Variants in UNC13B observed in about 807,000 individuals in gnomAD.
UNC13B encodes the protein protein unc-13 homolog B.
UNC13B carries 144 observed loss-of-function variants against 211.0 expected under a neutral mutation model. The observed-to-expected ratio is 0.68, with a 90% CI of 0.60 to 0.78. The LOEUF is 0.78. Among genes scored for constraint, UNC13B ranks in the 30% least tolerant of loss-of-function variants. The pLI is 0.00. For missense variants in UNC13B, 1,777 were observed against 2,002.0 expected (o/e 0.89, Z 2.14); for synonymous variants, 709 against 725.8 (o/e 0.98, Z 0.37).
chr9:35,396,735 T>A, intron 27 of UNC13B, 106 bp from the exon 28 acceptor site: 1 of 1,598,364 alleles, frequency 6.3e-7, no homozygotes, highest in Non-Finnish European at 8.6e-7. Flanking sequence ...AGAAAAGTGT[T>A]AAACTGTGCC....
At chr9:35,400,155 C>G in intron 36 of UNC13B, 141 bp from the exon 37 acceptor site, 1 of 1,216,708 alleles carries the variant, frequency 8.2e-7, no homozygotes, top group Non-Finnish European at 1.1e-6. Flanking sequence ...TAATACTCAT[C>G]CAAGAGCCTA....
At chr9:35,211,478 G>A (rs1262972282) in intron 1 of UNC13B, among the ~76,000 whole-genome samples, 1 of 152,122 alleles carries the variant, frequency 6.6e-6, no homozygotes, top group Non-Finnish European at 1.5e-5. Context: ...TTATATAGGT[G>A]TATTTTAACT....
intron 24 of UNC13B, among the ~76,000 whole-genome samples, chr9:35,388,333 A>G (rs1835313899): frequency 6.6e-6 from 1 of 152,120 alleles, no homozygotes; most frequent in Admixed American, 6.6e-5. Context: ...GCTTGAACCC[A>G]GGAGGCAGAG....
chr9:35,279,946 T>C (rs1828392019), intron 7 of UNC13B, among the ~76,000 whole-genome samples: 1 of 152,136 alleles, frequency 6.6e-6, no homozygotes, highest in African/African-American at 2.4e-5. Context: ...CTGCTTATCC[T>C]GTCTTTTTCT....
intron 1 of UNC13B, among the ~76,000 whole-genome samples, chr9:35,208,661 C>G (rs938760872): frequency 6.6e-6 from 1 of 152,124 alleles, no homozygotes; most frequent in African/African-American, 2.4e-5. Context: ...GATTTCATAA[C>G]TCCTCATTCA....
chr9:35,295,652 T>C, intron 7 of UNC13B, 44 bp from the exon 8 acceptor site: 1 of 1,574,256 alleles, frequency 6.4e-7, no homozygotes, highest in Non-Finnish European at 8.7e-7. Context: ...TCTGAAGAAC[T>C]AAATAAAGCT....
chr9:35,379,859 G>GGT (rs1481993208), intron 17 of UNC13B, among the ~76,000 whole-genome samples: 2 of 152,166 alleles, frequency 1.3e-5, no homozygotes, highest in Non-Finnish European at 2.9e-5. Context: ...TGAAACAACA[G>GGT]ATCCCAGAAA....
rs113250938 is a variant in UNC13B at position 35,385,865 on chromosome 9, G to A, written c.10965+52G>A. On this transcript the variant is annotated intron_variant, in intron 23 of 39. Coordinates refer to ENST00000635942, the MANE Select transcript of UNC13B (RefSeq NM_001371189.2). ...GTGCTGGGCTGGAGACCTGGCTACA[G>A]GAACGTGAAGAATGAGAATCATTGG... 4.4e-3 allele frequency: 6,984 copies of A among 1,571,230 alleles called. 249 individuals are homozygous for A. In the African/African-American group the frequency reaches 0.082, roughly 18 times the overall value.
rs376942090 is a variant in UNC13B, at chr9:35,253,811, G to A, written c.469-5182G>A. On this transcript the variant is annotated intron_variant, in intron 6 of 39. Transcript: ENST00000635942. Reference sequence around the variant, plus strand: ...ATGCTTGTATTTGACAGAGTCTCTGGGTGTATATCTGGAAGGATAGTTGCT... The same window carrying A: ...ATGCTTGTATTTGACAGAGTCTCTGAGTGTATATCTGGAAGGATAGTTGCT... Among the ~76,000 whole-genome samples the A allele has an allele frequency of 1.5e-4, 23 of 152,204 alleles. No homozygotes were observed. The South Asian group carries it at 4.8e-3, about 32-fold the overall frequency.
intron 1 of UNC13B, among the ~76,000 whole-genome samples, chr9:35,193,363 T>C (rs1470354253): frequency 6.6e-6 from 1 of 152,078 alleles, no homozygotes; most frequent in East Asian, 1.9e-4. Context: ...TAAAAGATCA[T>C]AGGGGCTGAG....
intron 11 of UNC13B, 86 bp from the exon 12 acceptor site, chr9:35,366,861 G>A (rs1833802257): frequency 1.7e-6 from 2 of 1,162,752 alleles, no homozygotes; most frequent in South Asian, 1.2e-5. Flanking sequence ...ACTGCTCTGG[G>A]CTTGTACTCT....
In UNC13B at chr9:35,377,607, C is replaced by T. The variant is rs1055069475; in HGVS notation, c.9975C>T (p.Asn3325=). ...TTATCCGGGACGTCTTCACAGTGAA[C>T]AAAGCTGCCCATGTGCAGCAGATGA... is the stretch of plus-strand genomic sequence containing the variant. ...FEVIRDVFTV[N]KAAHVQQMKT... Residue 3325 remains asparagine (N), a synonymous_variant, in exon 16 of 40, where the codon AAC becomes AAT. Coordinates refer to ENST00000635942, the MANE Select transcript of UNC13B (RefSeq NM_001371189.2). The T allele has an allele frequency of 1.7e-5, 28 of 1,614,098 alleles. No homozygotes were observed. The highest frequency in any genetic ancestry group is 2.3e-5 in the Non-Finnish European group (27 of 1,180,044).
Position 35,367,089 on chromosome 9 carries a change from G to A in UNC13B, c.9461+96G>A, listed in dbSNP as rs564438704. 5.0e-5 allele frequency: 63 copies of A among 1,254,420 alleles called. No individual in the cohort carries two copies. The South Asian group carries it at 7.5e-4, about 15-fold the overall frequency. 77.7% of individuals were successfully genotyped at this position (1,254,420 alleles called of 1,614,324 possible). A position where few individuals can be genotyped will look rare whatever the true frequency, so the allele number is the denominator to read the frequency against. ...GGAAGCAGGGGAACCAGCTTCATAA[G>A]CTGCATCCTGGGGAAGGAAAAGGTT... is the stretch of plus-strand genomic sequence containing the variant. On this transcript the variant is annotated intron_variant, in intron 12 of 39. Coordinates refer to ENST00000635942, the MANE Select transcript of UNC13B (RefSeq NM_001371189.2).
intron 1 of UNC13B, among the ~76,000 whole-genome samples, chr9:35,206,330 A>G (rs1259830831): frequency 6.6e-6 from 1 of 152,172 alleles, no homozygotes; most frequent in East Asian, 1.9e-4. Flanking sequence ...TCTACTTCCA[A>G]AATTTTTTCA....
At chr9:35,181,827 G>A (rs1821956582) in intron 1 of UNC13B, among the ~76,000 whole-genome samples, 1 of 152,064 alleles carries the variant, frequency 6.6e-6, no homozygotes, top group South Asian at 2.1e-4. Context: ...CAGAGACTCT[G>A]TCTCAAAAAA....
chr9:35,220,425 C>T (rs911000777), intron 1 of UNC13B, among the ~76,000 whole-genome samples: 3 of 150,940 alleles, frequency 2.0e-5, no homozygotes, highest in African/African-American at 7.3e-5. Flanking sequence ...ATCCCCACTT[C>T]CCCCCCAACT....
At chr9:35,352,393 C>T in intron 11 of UNC13B, 1 of 1,232,164 alleles carries the variant, frequency 8.1e-7, no homozygotes, top group Non-Finnish European at 1.0e-6. Flanking sequence ...TGCAGAAATC[C>T]ATCCTCTTGC....
At chr9:35,228,095 C>T (rs927991746) in intron 2 of UNC13B, 51 bp downstream of exon 2, 1 of 1,492,786 alleles carries the variant, frequency 6.7e-7, no homozygotes, top group Admixed American at 2.1e-5. Context: ...GCTGTTATTT[C>T]AAAGCAATTT....
chr9:35,380,493 G>T lies in UNC13B; in HGVS notation c.10229G>T (p.Arg3410Leu). The change falls in exon 18 of 40, where the codon CGC becomes CTC. Residue 3410 changes from arginine (R) to leucine (L), a missense_variant. Physicochemically the swap from Arg to Leu is moderately radical, Grantham distance 102 (BLOSUM62 -2). Transcript: ENST00000635942. ...FHFECHNSSD[R>L]IKVRVWDEDD... ...AGTGAGTGCCACAACTCCTCTGACC[G>T]CATTAAGGTGCGTGTATGGGATGAG... The T allele has an allele frequency of 6.2e-7, 1 of 1,614,092 alleles. No homozygotes were observed.
Sources: allele counts gnomAD v4.1 joint callset (sites outside exome capture counted in the v4.1 genomes callset), GRCh38; gene constraint gnomAD v4.1.1; transcripts MANE v1.5; gene names NCBI Gene and HGNC (gene_info 2026-07-23, HGNC 2026-07-21).